The following GRAMD2B variants were observed in gnomAD, a reference collection of about 807,000 sequenced individuals.
GRAMD2B encodes GRAM domain containing 2B.
A neutral mutation model predicts 59.2 loss-of-function variants in GRAMD2B; 41 were observed. The observed-to-expected ratio is 0.69, with a 90% CI of 0.54 to 0.90. The LOEUF is 0.90. Ranked by LOEUF, GRAMD2B falls within the 40% of genes least tolerant of loss-of-function variation. The pLI is 0.00. For missense variants in GRAMD2B, 424 were observed against 500.5 expected (o/e 0.85, Z 1.46); for synonymous variants, 161 against 182.7 (o/e 0.88, Z 0.96).
At position 126,484,542 on chromosome 5, in the gene GRAMD2B, C is replaced by CA. The variant is rs1561607216; in HGVS notation, c.970+19dup. On this transcript the variant is annotated intron_variant, in intron 10 of 13. Transcript: ENST00000285689. ...TGTACAGGGTAAGGAATGGATGTCT[C>CA]AGGGGGGTGGGTTTAGAAGGATTGG... 1 of 1,596,856 alleles carries CA rather than the reference C, an allele frequency of 6.3e-7. No homozygotes were observed. Among genetic ancestry groups the CA allele is most frequent in the Admixed American group, 1.8e-5 (1 of 55,920 alleles).
intron 1 of GRAMD2B, among the ~76,000 whole-genome samples, chr5:126,377,815 G>A (rs2149699763): frequency 1.3e-5 from 2 of 152,284 alleles, no homozygotes; most frequent in South Asian, 4.1e-4. Flanking sequence ...AAGTGTGTGG[G>A]TAGTGGAAAA....
upstream of GRAMD2B, among the ~76,000 whole-genome samples, chr5:126,367,400 T>A (rs1459200216): frequency 6.7e-6 from 1 of 150,232 alleles, no homozygotes; most frequent in Non-Finnish European, 1.5e-5. Flanking sequence ...TGATCTTATG[T>A]CTCAATATCC....
chr5:126,400,489 A>C (rs945480910), intron 1 of GRAMD2B, among the ~76,000 whole-genome samples: 1 of 143,570 alleles, frequency 7.0e-6, no homozygotes, highest in Non-Finnish European at 1.6e-5. Flanking sequence ...GAAGTGATGT[A>C]CACACTGCCA....
intron 1 of GRAMD2B, among the ~76,000 whole-genome samples, chr5:126,365,312 C>CA (rs1237530267): frequency 6.6e-6 from 1 of 151,936 alleles, no homozygotes; most frequent in Non-Finnish European, 1.5e-5. Context: ...AAAATTAATA[C>CA]AAAAAATAAC....
At chr5:126,396,276 G>A (rs995434308) in intron 1 of GRAMD2B, among the ~76,000 whole-genome samples, 1 of 152,126 alleles carries the variant, frequency 6.6e-6, no homozygotes, top group African/African-American at 2.4e-5. Flanking sequence ...TTGTCACCCA[G>A]GTATTAAGCC....
chr5:126,421,197 T>C (rs1213317389), upstream of GRAMD2B, among the ~76,000 whole-genome samples: 2 of 152,156 alleles, frequency 1.3e-5, no homozygotes, highest in African/African-American at 4.8e-5. Flanking sequence ...ATTGTGAAAG[T>C]GTTGAATGCC....
At chr5:126,406,075 GA>G (rs1489964513) in intron 1 of GRAMD2B, among the ~76,000 whole-genome samples, 1 of 151,708 alleles carries the variant, frequency 6.6e-6, no homozygotes, top group African/African-American at 2.4e-5. Flanking sequence ...TTTATCCACA[GA>G]AAAAAAGTAA....
At chr5:126,375,557 A>G (rs913261565) in intron 1 of GRAMD2B, among the ~76,000 whole-genome samples, 9 of 152,018 alleles carry the variant, frequency 5.9e-5, no homozygotes, top group African/African-American at 9.7e-5. Context: ...TTTTTAATAG[A>G]GACAGGGTTT....
upstream of GRAMD2B, among the ~76,000 whole-genome samples, chr5:126,367,479 G>A (rs1754514691): frequency 6.6e-6 from 1 of 151,636 alleles, no homozygotes; most frequent in Admixed American, 6.6e-5. Flanking sequence ...GGAAGTAGAG[G>A]AAAAGGAGGG....
At chr5:126,434,608 C>G (rs1484457623) in intron 1 of GRAMD2B, among the ~76,000 whole-genome samples, 1 of 152,098 alleles carries the variant, frequency 6.6e-6, no homozygotes, top group Non-Finnish European at 1.5e-5. Flanking sequence ...AGCTCCGCCT[C>G]CCGGGTCCAC....
chr5:126,423,298 C>G, upstream of GRAMD2B: 1 of 1,221,278 alleles, frequency 8.2e-7, no homozygotes, highest in South Asian at 2.4e-5. Flanking sequence ...AAGACTCGTT[C>G]AACAGGTTTC....
intron 1 of GRAMD2B, among the ~76,000 whole-genome samples, chr5:126,447,696 C>A (rs1764570918): frequency 6.7e-6 from 1 of 149,764 alleles, no homozygotes; most frequent in Non-Finnish European, 1.5e-5. Context: ...AGAAAGAGAT[C>A]AGAAAGCCTG....
rs571445313 is a variant in GRAMD2B, at chr5:126,491,654, T to C, written c.1258-1261T>C. Reference sequence around the variant, plus strand: ...TTCCTCTAAAAAACAATATGTTCTTTCTTTTCGTCTGCAAGGTTTCTACTC... The same window carrying C: ...TTCCTCTAAAAAACAATATGTTCTTCCTTTTCGTCTGCAAGGTTTCTACTC... On this transcript the variant is annotated intron_variant, in intron 13 of 13. Transcript: ENST00000285689. Among the ~76,000 whole-genome samples the C allele has an allele frequency of 9.2e-5, 14 of 152,332 alleles. No individual in the cohort carries two copies. In the South Asian group the frequency reaches 2.9e-3, roughly 32 times the overall value.
chr5:126,398,018 ATTTT>A (rs70994864), intron 1 of GRAMD2B, among the ~76,000 whole-genome samples: 4 of 72,470 alleles, frequency 5.5e-5, no homozygotes, highest in African/African-American at 1.1e-4. Context: ...TTGTTGGGAG[ATTTT>A]TTTTTTTTTT....
At chr5:126,474,249 G>A (rs949405492) in intron 5 of GRAMD2B, among the ~76,000 whole-genome samples, 3 of 152,118 alleles carry the variant, frequency 2.0e-5, no homozygotes, top group African/African-American at 7.2e-5. Flanking sequence ...TCATGAAGTC[G>A]CTGATTAAAA....
chr5:126,441,666 T>G (rs1005650331), intron 1 of GRAMD2B, among the ~76,000 whole-genome samples: 2 of 152,214 alleles, frequency 1.3e-5, no homozygotes, highest in Non-Finnish European at 2.9e-5. Context: ...ATTTCACAAT[T>G]ACCACTGCAA....
At chr5:126,391,926 A>G (rs1464603629) in intron 1 of GRAMD2B, among the ~76,000 whole-genome samples, 1 of 152,198 alleles carries the variant, frequency 6.6e-6, no homozygotes, top group African/African-American at 2.4e-5. Flanking sequence ...CAATAAAACT[A>G]TTATTTTTTA....
At chr5:126,364,911 G>C (rs1283771508) in intron 1 of GRAMD2B, among the ~76,000 whole-genome samples, 1 of 152,198 alleles carries the variant, frequency 6.6e-6, no homozygotes, top group African/African-American at 2.4e-5. Context: ...GGTGCTCCAG[G>C]TGTGGGAGGG....
At position 126,485,615 on chromosome 5, in the gene GRAMD2B, A is replaced by G. The variant is rs1470081609; in HGVS notation, c.971-71A>G. On this transcript the variant is annotated intron_variant, in intron 10 of 13. Coordinates refer to ENST00000285689, the MANE Select transcript of GRAMD2B (RefSeq NM_023927.4). ...AACAATTACCTCTCTCAAGTACCCC[A>G]TAGGGATATTGCTGGATAAAAGAAG... 13 of 875,840 alleles carry G rather than the reference A, an allele frequency of 1.5e-5. No individual in the cohort carries two copies. In the East Asian group the frequency reaches 3.2e-4, roughly 22 times the overall value. The allele number at this position is 875,840 out of a possible 1,614,324, so 54.3% of individuals were successfully genotyped here. A position where few individuals can be genotyped will look rare whatever the true frequency, so the allele number is the denominator to read the frequency against.
Sources: gnomAD v4.1 joint callset for allele counts (sites outside exome capture counted in the v4.1 genomes callset) on GRCh38, gnomAD v4.1.1 for gene constraint, MANE v1.5 for transcripts, NCBI Gene and HGNC (gene_info 2026-07-23, HGNC 2026-07-21) for gene names.